The following TTBK2 variants were observed in gnomAD, a reference collection of about 807,000 sequenced individuals.
TTBK2 encodes tau tubulin kinase 2, also known as tau-tubulin kinase 2.
TTBK2 carries 28 observed loss-of-function variants against 110.8 expected under a neutral mutation model. The ratio of observed to expected loss-of-function variants is 0.25; its 90% CI spans 0.19 to 0.35. The LOEUF is 0.35. TTBK2 is among the 10% of genes least tolerant of loss of function. TTBK2 has a pLI of 1.00. For synonymous variants in TTBK2, 532 were observed against 527.3 expected, an observed-to-expected ratio of 1.01 and a Z score of -0.12; for missense variants, 1,369 against 1,500.3, an observed-to-expected ratio of 0.91 and a Z score of 1.45.
At chr15:42,802,038 G>A (rs752639148) in intron 9 of TTBK2, 8 of 1,475,986 alleles carry the variant, frequency 5.4e-6, no homozygotes, top group East Asian at 4.5e-5. Flanking sequence ...GCTGCTGCAC[G>A]AGGCTCCACT....
At chr15:42,801,094 A>G in intron 9 of TTBK2, 1 of 811,176 alleles carries the variant, frequency 1.2e-6, no homozygotes. Flanking sequence ...CCAAAGCTGG[A>G]GCCCAGGCCG....
In TTBK2 at chr15:42,766,977, A is replaced by T. The variant is rs372464140; in HGVS notation, c.1998+8158T>A. 3.9e-5 allele frequency among the ~76,000 whole-genome samples: 6 copies of T among 152,350 alleles called. No homozygotes were observed. In the South Asian group the frequency reaches 6.2e-4, roughly 16 times the overall value. On this transcript the variant is annotated intron_variant, in intron 13 of 14. Transcript: ENST00000267890. ...TCAAATTAGAACTCAGGATTAAGAA[A>T]CTCACTCAAAACTGCACAACTACAT...
chr15:42,890,180 C>T (rs905244973), intron 1 of TTBK2, among the ~76,000 whole-genome samples: 1 of 152,172 alleles, frequency 6.6e-6, no homozygotes, highest in Non-Finnish European at 1.5e-5. Flanking sequence ...CCCCTGCCTG[C>T]AAAACATTGC....
intron 13 of TTBK2, among the ~76,000 whole-genome samples, chr15:42,770,622 A>C (rs7181238): frequency 0.8 from 122,301 of 152,076 alleles, 49,314 homozygotes; most frequent in Middle Eastern, 0.89. Flanking sequence ...AAATACAATT[A>C]CAAAAAAACT....
chr15:42,763,045 G>C (rs1409128227), intron 13 of TTBK2, among the ~76,000 whole-genome samples: 1 of 141,878 alleles, frequency 7.0e-6, no homozygotes, highest in Non-Finnish European at 1.5e-5. Context: ...ATAACTTCTA[G>C]TGTTCCATAG....
At chr15:42,774,222 G>A (rs118074982) in intron 13 of TTBK2, among the ~76,000 whole-genome samples, 1 of 152,202 alleles carries the variant, frequency 6.6e-6, no homozygotes, top group African/African-American at 2.4e-5. Flanking sequence ...TTTCTGGTGA[G>A]TTGGGGGAGG....
chr15:42,920,111 G>C (rs1468013120), intron 1 of TTBK2, among the ~76,000 whole-genome samples: 1 of 152,202 alleles, frequency 6.6e-6, no homozygotes, highest in Non-Finnish European at 1.5e-5. Flanking sequence ...GCTGGTACCA[G>C]AAGTGGCATG....
intron 9 of TTBK2, among the ~76,000 whole-genome samples, chr15:42,809,405 T>C (rs1336177693): frequency 6.6e-6 from 1 of 152,224 alleles, no homozygotes; most frequent in Non-Finnish European, 1.5e-5. Context: ...CTTCTTTAGA[T>C]ATAGGTTTAA....
At chr15:42,766,565 T>C (rs939573882) in intron 13 of TTBK2, among the ~76,000 whole-genome samples, 25 of 150,958 alleles carry the variant, frequency 1.7e-4, no homozygotes, top group African/African-American at 6.1e-4. Flanking sequence ...AAGGGATCAA[T>C]TCAATAAGAA....
rs1353417773 is a variant in TTBK2 at position 42,744,890 on chromosome 15, T to G, written c.*905A>C. The G allele has an allele frequency of 2.6e-5, 4 of 153,876 alleles. No individual in the cohort carries two copies. Among genetic ancestry groups the G allele is most frequent in the Non-Finnish European group, 4.4e-5 (3 of 68,190 alleles). 9.5% of individuals were successfully genotyped at this position (153,876 alleles called of 1,614,324 possible). On this transcript the variant is annotated 3_prime_UTR_variant, in exon 15 of 15. Transcript: ENST00000267890. Reference sequence around the variant, plus strand: ...ACCCAGAAGACTTAAGGAAGCAGTCTACTCTGGTCAGTTTTCCTTCTACTC... The same window carrying G: ...ACCCAGAAGACTTAAGGAAGCAGTCGACTCTGGTCAGTTTTCCTTCTACTC...
At chr15:42,900,500 CTTGAGGTCACTAGT>C (rs2141187733) in intron 1 of TTBK2, among the ~76,000 whole-genome samples, 1 of 152,162 alleles carries the variant, frequency 6.6e-6, no homozygotes, top group South Asian at 2.1e-4. Context: ...AGGCCGATCA[CTTGAGGTCACTAGT>C]TTGAGAATAG....
chr15:42,805,608 C>T (rs1183381584), intron 9 of TTBK2, among the ~76,000 whole-genome samples: 1 of 152,196 alleles, frequency 6.6e-6, no homozygotes, highest in Admixed American at 6.5e-5. Flanking sequence ...CAACAATTCT[C>T]CCATTTCCCT....
At chr15:42,776,039 T>C (rs977496943) in intron 12 of TTBK2, among the ~76,000 whole-genome samples, 2 of 152,204 alleles carry the variant, frequency 1.3e-5, no homozygotes, top group Admixed American at 1.3e-4. Context: ...ACTCAAAATG[T>C]ATAAACCAAT....
intron 3 of TTBK2, among the ~76,000 whole-genome samples, chr15:42,843,437 C>T (rs1893313473): frequency 6.6e-6 from 1 of 152,144 alleles, no homozygotes; most frequent in African/African-American, 2.4e-5. Context: ...TTGCCTACTA[C>T]TCAGGAGTCA....
chr15:42,811,376 G>C (rs1891715634), intron 8 of TTBK2, among the ~76,000 whole-genome samples: 2 of 151,976 alleles, frequency 1.3e-5, no homozygotes, highest in Non-Finnish European at 2.9e-5. Flanking sequence ...AATATAATAT[G>C]ACAATCAAAA....
At chr15:42,801,018 ATCT>A (rs1481146120) in intron 9 of TTBK2, 1 of 765,128 alleles carries the variant, frequency 1.3e-6, no homozygotes, top group Non-Finnish European at 2.4e-6. Flanking sequence ...ACGGGTTTCG[ATCT>A]TCTTCATGAC....
At chr15:42,791,515 G>T (rs1387793540) in intron 10 of TTBK2, among the ~76,000 whole-genome samples, 1 of 151,722 alleles carries the variant, frequency 6.6e-6, no homozygotes, top group Non-Finnish European at 1.5e-5. Context: ...CTTATTCAAT[G>T]ACTTCTATTA....
intron 3 of TTBK2, among the ~76,000 whole-genome samples, chr15:42,853,745 A>C (rs1272922065): frequency 6.6e-6 from 1 of 152,084 alleles, no homozygotes; most frequent in African/African-American, 2.4e-5. Flanking sequence ...CATAAGAATA[A>C]ACGAGCACAC....
chr15:42,867,440 T>C (rs1344008543), intron 3 of TTBK2, among the ~76,000 whole-genome samples: 1 of 152,052 alleles, frequency 6.6e-6, no homozygotes, highest in East Asian at 1.9e-4. Flanking sequence ...AAGACCTATA[T>C]GATAAAAGAC....
Sources: allele counts gnomAD v4.1 joint callset (sites outside exome capture counted in the v4.1 genomes callset), GRCh38; gene constraint gnomAD v4.1.1; transcripts MANE v1.5; gene names NCBI Gene and HGNC (gene_info 2026-07-23, HGNC 2026-07-21).